The following MPDZ variants were observed in gnomAD, a reference collection of about 807,000 sequenced individuals.
The protein encoded by MPDZ is multiple PDZ domain crumbs cell polarity complex component, also known as multiple PDZ domain protein.
In MPDZ, 234 loss-of-function variants were observed where a neutral mutation model predicts 239.1. The observed-to-expected ratio is 0.98, with a 90% CI of 0.88 to 1.09. MPDZ has a LOEUF of 1.09. MPDZ is among the 50% of genes least tolerant of loss of function. MPDZ has a pLI of 0.00. For synonymous variants in MPDZ, 1,048 were observed against 881.3 expected, an observed-to-expected ratio of 1.19 and a Z score of -3.35; for missense variants, 3,175 against 2,510.0, an observed-to-expected ratio of 1.26 and a Z score of -5.66.
intron 2 of MPDZ, 68 bp from the exon 3 acceptor site, chr9:13,247,869 C>T (rs1966850261): frequency 1.5e-5 from 20 of 1,376,434 alleles, no homozygotes; most frequent in Non-Finnish European, 2.0e-5. Context: ...AAGAGGACTC[C>T]ATCTTGTAGA....
intron 1 of MPDZ, among the ~76,000 whole-genome samples, chr9:13,252,042 C>G (rs181617297): frequency 5.5e-4 from 83 of 152,194 alleles, no homozygotes; most frequent in Middle Eastern, 6.8e-3. Context: ...CATAGCATAA[C>G]TTGTAACTAT....
intron 10 of MPDZ, among the ~76,000 whole-genome samples, chr9:13,207,683 T>A (rs1957152881): frequency 1.3e-5 from 2 of 152,362 alleles, no homozygotes; most frequent in Non-Finnish European, 1.5e-5. Flanking sequence ...TTCAGAATTT[T>A]AATTTTACAT....
At chr9:13,193,423 A>G in intron 13 of MPDZ, 110 bp from the exon 14 acceptor site, 3 of 1,228,838 alleles carry the variant, frequency 2.4e-6, no homozygotes, top group African/African-American at 1.5e-5. Context: ...TTTCTCACAA[A>G]GCTTCAAAAA....
intron 3 of MPDZ, among the ~76,000 whole-genome samples, chr9:13,235,711 A>G (rs1393403964): frequency 2.0e-5 from 3 of 152,214 alleles, no homozygotes; most frequent in Non-Finnish European, 4.4e-5. Context: ...TGATGGAGTC[A>G]TTTTAAGTAA....
chr9:13,238,695 G>T (rs1343223423), intron 3 of MPDZ, among the ~76,000 whole-genome samples: 1 of 152,030 alleles, frequency 6.6e-6, no homozygotes, highest in East Asian at 1.9e-4. Flanking sequence ...ATCAAAGAAG[G>T]ATACCACAAT....
intron 2 of MPDZ, among the ~76,000 whole-genome samples, chr9:13,249,007 A>AAAAAAAAT (rs1345543094): frequency 7.8e-6 from 1 of 127,812 alleles, no homozygotes; most frequent in African/African-American, 3.0e-5. Context: ...AAAAAAAAAA[A>AAAAAAAAT]AATTGGAATC....
chr9:13,108,403 C>T (rs1941845831), intron 46 of MPDZ, among the ~76,000 whole-genome samples: 1 of 151,970 alleles, frequency 6.6e-6, no homozygotes, highest in Non-Finnish European at 1.5e-5. Context: ...GATTGCAAAT[C>T]GCTGACTTAT....
rs1955027890 is a variant in MPDZ, at chr9:13,192,225, T to C, written c.1874A>G (p.Glu625Gly). The C allele has an allele frequency of 1.2e-6, 2 of 1,609,174 alleles. No homozygotes were observed. Among genetic ancestry groups the C allele is most frequent in the South Asian group, 1.1e-5 (1 of 90,162 alleles). Reference sequence around the variant, plus strand: ...TCGACGACAGCACACCATTGTCACTTCTATAGGCAGTTCTTTTAAGATATT... The same window carrying C: ...TCGACGACAGCACACCATTGTCACTCCTATAGGCAGTTCTTTTAAGATATT... The part of the protein sequence containing the change: ...VVNILKELPI[E>G]VTMVCCRRTV... Residue 625 changes from glutamate to glycine, a missense_variant, in exon 15 of 47, where the codon GAA becomes GGA. By Grantham distance (98) the Glu-to-Gly change is moderately conservative. Transcript: ENST00000319217.
chr9:13,122,065 G>A, intron 37 of MPDZ, 22 bp downstream of exon 37: 1 of 1,612,120 alleles, frequency 6.2e-7, no homozygotes, highest in Non-Finnish European at 8.5e-7. Context: ...AATTTTGAAG[G>A]TCAAAAACAG....
chr9:13,144,704 C>G (rs2132687805), intron 26 of MPDZ, among the ~76,000 whole-genome samples: 1 of 152,188 alleles, frequency 6.6e-6, no homozygotes, highest in African/African-American at 2.4e-5. Context: ...CCCTTTCAAT[C>G]TGCTCTTCTT....
chr9:13,194,151 C>T (rs915275119), intron 13 of MPDZ, among the ~76,000 whole-genome samples: 7 of 152,104 alleles, frequency 4.6e-5, no homozygotes, highest in South Asian at 4.1e-4. Context: ...TATGCTGTAT[C>T]GCTACATAGC....
chr9:13,140,685 G>A (rs1444254016), intron 27 of MPDZ, among the ~76,000 whole-genome samples: 1 of 151,314 alleles, frequency 6.6e-6, no homozygotes, highest in East Asian at 1.9e-4. Context: ...TTCCCTTCTA[G>A]AAAAAAATGT....
chr9:13,236,219 GTGTGTGTATATGTATA>G (rs1324117929), intron 3 of MPDZ, among the ~76,000 whole-genome samples: 4 of 101,596 alleles, frequency 3.9e-5, no homozygotes, highest in East Asian at 6.4e-4. Context: ...GTGTGTGTGT[GTGTGTGTATATGTATA>G]TGTGTGTGTG....
At position 13,112,229 on chromosome 9, in the gene MPDZ, G is replaced by C. The variant is rs781584697; in HGVS notation, c.5602-83C>G. 400 of 1,348,018 alleles carry C rather than the reference G, an allele frequency of 3.0e-4. 1 individual carries two copies. The highest frequency in any genetic ancestry group is 5.1e-4 in the Admixed American group (21 of 40,880). The allele number at this position is 1,348,018 out of a possible 1,614,324, so 83.5% of individuals were successfully genotyped here. A position where few individuals can be genotyped will look rare whatever the true frequency, so the allele number is the denominator to read the frequency against. ...TTTATTCTTTGGCATGATATCTATA[G>C]TCAACTCTGATTTTCTAAGTGTGAG... is the stretch of plus-strand genomic sequence containing the variant. On this transcript the variant is annotated intron_variant, in intron 42 of 46. Transcript: ENST00000319217.
intron 32 of MPDZ, among the ~76,000 whole-genome samples, chr9:13,131,970 T>C (rs1946061194): frequency 1.3e-5 from 2 of 152,200 alleles, no homozygotes; most frequent in Non-Finnish European, 2.9e-5. Flanking sequence ...TCTGTCTAGC[T>C]ACTTTTAAAA....
intron 19 of MPDZ, among the ~76,000 whole-genome samples, chr9:13,181,880 C>A (rs1395458296): frequency 1.3e-5 from 2 of 152,076 alleles, no homozygotes; most frequent in Non-Finnish European, 2.9e-5. Flanking sequence ...AGCTTCCAGC[C>A]CTGAGGCCAG....
chr9:13,190,731 T>C (rs1195967039), intron 15 of MPDZ, among the ~76,000 whole-genome samples: 4 of 152,156 alleles, frequency 2.6e-5, no homozygotes, highest in Admixed American at 2.6e-4. Context: ...AAATAAGAGT[T>C]CTAAAATGCT....
intron 3 of MPDZ, among the ~76,000 whole-genome samples, chr9:13,232,330 A>C (rs1962730525): frequency 6.6e-6 from 1 of 152,182 alleles, no homozygotes; most frequent in African/African-American, 2.4e-5. Flanking sequence ...AGATATGATT[A>C]AATTTGTTTA....
chr9:13,187,375 T>C (rs888025106), intron 17 of MPDZ, among the ~76,000 whole-genome samples: 9 of 152,166 alleles, frequency 5.9e-5, no homozygotes, highest in African/African-American at 2.2e-4. Flanking sequence ...TATTGAGTCA[T>C]GTTTGCCATT....
Sources: allele counts gnomAD v4.1 joint callset (sites outside exome capture counted in the v4.1 genomes callset), GRCh38; gene constraint gnomAD v4.1.1; transcripts MANE v1.5; gene names NCBI Gene and HGNC (gene_info 2026-07-23, HGNC 2026-07-21).